RASA2: variants seen among roughly 807,000 people sequenced by gnomAD.
The protein encoded by RASA2 is RAS p21 protein activator 2, also known as ras GTPase-activating protein 2.
Under a neutral mutation model 118.2 loss-of-function variants are expected in RASA2, and 155 were observed. That is an observed-to-expected ratio of 1.31 (90% CI 1.15 to 1.50). The LOEUF is 1.50. Ranked by LOEUF, RASA2 falls within the 40% of genes most tolerant of loss-of-function variation. The pLI is 0.00. For synonymous variants in RASA2, 353 were observed against 349.1 expected, an observed-to-expected ratio of 1.01 and a Z score of -0.12; for missense variants, 1,016 against 1,009.6, an observed-to-expected ratio of 1.01 and a Z score of -0.09.
chr3:141,612,035 C>G (rs1042608295), intron 23 of RASA2, among the ~76,000 whole-genome samples: 7 of 152,104 alleles, frequency 4.6e-5, no homozygotes, highest in African/African-American at 1.7e-4. Flanking sequence ...TTACCCTATA[C>G]CAGAGTGTAA....
At chr3:141,496,088 C>T (rs1405055689) in intron 1 of RASA2, among the ~76,000 whole-genome samples, 1 of 152,038 alleles carries the variant, frequency 6.6e-6, no homozygotes, top group Non-Finnish European at 1.5e-5. Context: ...AGGGAGTTAG[C>T]CGGTGCTGGG....
At chr3:141,494,039 A>G (rs1429436607) in intron 1 of RASA2, among the ~76,000 whole-genome samples, 1 of 152,182 alleles carries the variant, frequency 6.6e-6, no homozygotes, top group Non-Finnish European at 1.5e-5. Flanking sequence ...ATATTTCATC[A>G]TTTGGCTGTA....
At chr3:141,526,602 C>T (rs1407073226) in intron 3 of RASA2, among the ~76,000 whole-genome samples, 1 of 152,076 alleles carries the variant, frequency 6.6e-6, no homozygotes. Context: ...TCTTAATTTT[C>T]CTGTGCCATT....
chr3:141,504,681 T>C (rs1201233874), intron 1 of RASA2, among the ~76,000 whole-genome samples: 2 of 152,242 alleles, frequency 1.3e-5, no homozygotes, highest in Middle Eastern at 3.4e-3. Context: ...TGCACTGATT[T>C]TAAAACAAAA....
At chr3:141,536,872 C>T (rs539696044) in intron 4 of RASA2, among the ~76,000 whole-genome samples, 2 of 151,826 alleles carry the variant, frequency 1.3e-5, no homozygotes, top group Admixed American at 6.6e-5. Flanking sequence ...CTCAGCCTCC[C>T]GAATAGCTGG....
chr3:141,586,247 T>C (rs1399684887), intron 18 of RASA2, 149 bp downstream of exon 18: 2 of 654,542 alleles, frequency 3.1e-6, no homozygotes, highest in Non-Finnish European at 2.5e-6. Flanking sequence ...GCCTTTACTG[T>C]CCTACAAACT....
At chr3:141,496,137 C>G (rs558750342) in intron 1 of RASA2, among the ~76,000 whole-genome samples, 149 of 152,272 alleles carry the variant, frequency 9.8e-4, no homozygotes, top group Non-Finnish European at 1.8e-3. Context: ...GAAACTGGAA[C>G]CCTTCCTTAC....
Position 141,581,095 on chromosome 3 carries a change from C to A in RASA2, c.1675-5C>A. ...CATATAAACCCTGTGTTTGTTTTTTCTTAGTCAAGTTTCAAAGAGACATTC... is the reference window on the plus strand; with the variant it reads ...CATATAAACCCTGTGTTTGTTTTTTATTAGTCAAGTTTCAAAGAGACATTC... On this transcript the variant is annotated splice_region_variant and splice_polypyrimidine_tract_variant and intron_variant, in intron 16 of 23. Transcript: ENST00000286364. 6.6e-7 allele frequency: 1 copy of A among 1,522,606 alleles called. No homozygotes were observed. 94.3% of individuals were successfully genotyped at this position (1,522,606 alleles called of 1,614,324 possible).
chr3:141,595,105 A>C (rs1269791686), intron 19 of RASA2, among the ~76,000 whole-genome samples: 1 of 152,140 alleles, frequency 6.6e-6, no homozygotes. Context: ...TAGAACAAAA[A>C]TTTAGGGAAA....
At chr3:141,558,821 T>G in intron 7 of RASA2, 65 bp from the exon 8 acceptor site, 1 of 1,266,998 alleles carries the variant, frequency 7.9e-7, no homozygotes, top group Non-Finnish European at 1.1e-6. Flanking sequence ...CAGATGATCA[T>G]TTTTAAGCTG....
intron 11 of RASA2, 144 bp from the exon 12 acceptor site, chr3:141,572,465 C>G: frequency 1.8e-6 from 1 of 564,228 alleles, no homozygotes; most frequent in Non-Finnish European, 3.1e-6. Flanking sequence ...GTAAAAATTA[C>G]TAAAATTGTA....
intron 8 of RASA2, 120 bp downstream of exon 8, chr3:141,559,082 C>A: frequency 2.7e-6 from 2 of 732,018 alleles, no homozygotes; most frequent in Non-Finnish European, 4.4e-6. Flanking sequence ...GTTGATGAAA[C>A]TTAGAGGAAT....
At chr3:141,572,775 CT>C (rs1184969027) in intron 12 of RASA2, 52 bp downstream of exon 12, 1 of 1,339,224 alleles carries the variant, frequency 7.5e-7, no homozygotes, top group Non-Finnish European at 1.0e-6. Flanking sequence ...GATAGTTGTT[CT>C]TTTATCAAGT....
At position 141,487,040 on chromosome 3, in the gene RASA2, C is replaced by T; in HGVS notation, c.-44C>T. On this transcript the variant is annotated 5_prime_UTR_variant, in exon 1 of 24. Coordinates refer to ENST00000286364, the MANE Select transcript of RASA2 (RefSeq NM_006506.5). Reference sequence around the variant, plus strand: ...GGCCGCTGCTGGGCTCCGCCTCGCCCGGCTACGCAGGCGGCAGGGCTGCGG... The same window carrying T: ...GGCCGCTGCTGGGCTCCGCCTCGCCTGGCTACGCAGGCGGCAGGGCTGCGG... The T allele has an allele frequency of 8.5e-7, 1 of 1,172,704 alleles. No homozygotes were observed. The highest frequency in any genetic ancestry group is 1.1e-6 in the Non-Finnish European group (1 of 946,594). 72.6% of individuals were successfully genotyped at this position (1,172,704 alleles called of 1,614,324 possible).
intron 5 of RASA2, 39 bp downstream of exon 5, chr3:141,540,648 T>C (rs1441181849): frequency 8.5e-6 from 13 of 1,529,388 alleles, no homozygotes; most frequent in Non-Finnish European, 1.1e-5. Flanking sequence ...TAGAAATAAT[T>C]CTCCATTTTG....
At chr3:141,602,230 AC>A (rs778589492) in intron 19 of RASA2, among the ~76,000 whole-genome samples, 1 of 152,030 alleles carries the variant, frequency 6.6e-6, no homozygotes, top group South Asian at 2.1e-4. Context: ...GCAGTCCCCA[AC>A]CTTTTTGTCA....
chr3:141,523,106 T>A (rs1416238275), intron 3 of RASA2, among the ~76,000 whole-genome samples: 5 of 152,084 alleles, frequency 3.3e-5, no homozygotes, highest in African/African-American at 4.8e-5. Flanking sequence ...TGTAAAAAAA[T>A]TTTAAATTAT....
chr3:141,613,552 T>C lies in RASA2; in HGVS notation c.*1239T>C, dbSNP rs1245455516. The C allele has an allele frequency of 6.6e-6, 1 of 152,178 alleles. No individual in the cohort carries two copies. The highest frequency in any genetic ancestry group is 1.5e-5 in the Non-Finnish European group (1 of 68,028). The allele number at this position is 152,178 out of a possible 1,614,324, so 9.4% of individuals were successfully genotyped here. Reference sequence around the variant, plus strand: ...ATCAGTATTAAAAACCATGGTACTCTTATTTTGTCTTTTTTAATTCAAAAC... The same window carrying C: ...ATCAGTATTAAAAACCATGGTACTCCTATTTTGTCTTTTTTAATTCAAAAC... On this transcript the variant is annotated 3_prime_UTR_variant, in exon 24 of 24. Transcript: ENST00000286364.
At chr3:141,562,332 A>AG (rs1333795978) in intron 9 of RASA2, among the ~76,000 whole-genome samples, 1 of 151,302 alleles carries the variant, frequency 6.6e-6, no homozygotes. Flanking sequence ...AAAAAAAAAA[A>AG]AAAGAAATAG....
Sources: gnomAD v4.1 joint callset for allele counts (sites outside exome capture counted in the v4.1 genomes callset) on GRCh38, gnomAD v4.1.1 for gene constraint, MANE v1.5 for transcripts, NCBI Gene and HGNC (gene_info 2026-07-23, HGNC 2026-07-21) for gene names.